GNPAT: variants seen among roughly 807,000 people sequenced by gnomAD.
The protein encoded by GNPAT is dihydroxyacetone phosphate acyltransferase.
GNPAT carries 30 observed loss-of-function variants against 78.4 expected under a neutral mutation model. The ratio of observed to expected loss-of-function variants is 0.38; its 90% CI spans 0.29 to 0.52. The LOEUF (loss-of-function observed/expected upper bound fraction) is 0.52. Among genes scored for constraint, GNPAT ranks in the 20% least tolerant of loss-of-function variants. The pLI is 0.84. For synonymous variants in GNPAT, 271 were observed against 281.1 expected, an observed-to-expected ratio of 0.96 and a Z score of 0.36; for missense variants, 714 against 812.2, an observed-to-expected ratio of 0.88 and a Z score of 1.47.
chr1:231,245,354 C>G (rs1195205456), intron 1 of GNPAT, among the ~76,000 whole-genome samples: 1 of 152,122 alleles, frequency 6.6e-6, no homozygotes, highest in Non-Finnish European at 1.5e-5. Flanking sequence ...AAGTGATCCT[C>G]CCTCCTCAGC....
At chr1:231,251,302 T>G (rs1247016368) in intron 2 of GNPAT, among the ~76,000 whole-genome samples, 159 bp downstream of exon 2, 1 of 152,222 alleles carries the variant, frequency 6.6e-6, no homozygotes, top group East Asian at 1.9e-4. Context: ...AGCCTCTTGC[T>G]AGACACTAGA....
intron 5 of GNPAT, 116 bp from the exon 6 acceptor site, chr1:231,265,596 A>G: frequency 1.1e-6 from 1 of 880,556 alleles, no homozygotes; most frequent in East Asian, 2.5e-5. Flanking sequence ...TTTTCACTGT[A>G]AGCTGTGTTT....
intron 4 of GNPAT, among the ~76,000 whole-genome samples, chr1:231,263,857 C>CT (rs1404676977): frequency 6.6e-6 from 1 of 152,054 alleles, no homozygotes; most frequent in East Asian, 1.9e-4. Flanking sequence ...TGCTGAGCAT[C>CT]TTTTTTGTGT....
chr1:231,264,287 G>T (rs1045533453), intron 4 of GNPAT, among the ~76,000 whole-genome samples: 1 of 152,044 alleles, frequency 6.6e-6, no homozygotes, highest in East Asian at 1.9e-4. Context: ...GTAAGTTAAG[G>T]GTCCAACTTC....
At chr1:231,267,561 T>TGA in intron 8 of GNPAT, 119 bp from the exon 9 acceptor site, 1 of 758,456 alleles carries the variant, frequency 1.3e-6, no homozygotes, top group Admixed American at 1.8e-5. Context: ...GCACCTGACC[T>TGA]GAGAGAATTC....
rs182050398 is a variant in GNPAT at position 231,255,273 on chromosome 1, A to C, written c.261+4130A>C. On this transcript the variant is annotated intron_variant, in intron 2 of 15. Transcript: ENST00000366647. ...CTGACTATCCCTTCTTATTTCTTCAACTACTTCTTTATTAGCTCTTCTCCC... is the reference window on the plus strand; with the variant it reads ...CTGACTATCCCTTCTTATTTCTTCACCTACTTCTTTATTAGCTCTTCTCCC... Among the ~76,000 whole-genome samples the C allele has an allele frequency of 3.9e-4, 60 of 152,000 alleles. 1 individual carries two copies. The highest frequency in any genetic ancestry group is 1.3e-3 in the African/African-American group (55 of 41,440).
intron 2 of GNPAT, among the ~76,000 whole-genome samples, chr1:231,253,244 C>T (rs1212272412): frequency 1.3e-5 from 2 of 152,206 alleles, no homozygotes; most frequent in Non-Finnish European, 2.9e-5. Flanking sequence ...GCTGGGATTA[C>T]AGGCGTGAGC....
chr1:231,258,888 C>T (rs1394086823), intron 2 of GNPAT, among the ~76,000 whole-genome samples: 6 of 151,736 alleles, frequency 4.0e-5, no homozygotes, highest in Non-Finnish European at 5.9e-5. Flanking sequence ...CCACCTGCCT[C>T]GGCCTCCCAA....
intron 2 of GNPAT, among the ~76,000 whole-genome samples, chr1:231,252,107 A>G (rs529658331): frequency 2.0e-5 from 3 of 152,354 alleles, no homozygotes; most frequent in African/African-American, 7.2e-5. Context: ...CAATCGGCTA[A>G]TGTTTTAGAA....
In GNPAT at chr1:231,266,330, G is replaced by A. The variant is rs1685386491; in HGVS notation, c.978G>A (p.Val326=). ...CTGAAAATTTTGGAAGCATCCATGT[G>A]TACTTTGGAGATCCTGTGTCACTTC... The part of the protein sequence containing the change: ...ILSENFGSIH[V]YFGDPVSLRS... Residue 326 remains valine (V), a synonymous_variant, in exon 8 of 16, where the codon GTG becomes GTA. Coordinates refer to ENST00000366647, the MANE Select transcript of GNPAT (RefSeq NM_014236.4). The A allele has an allele frequency of 6.2e-7, 1 of 1,613,772 alleles. No homozygotes were observed. The highest frequency in any genetic ancestry group is 1.1e-5 in the South Asian group (1 of 91,078).
At chr1:231,271,192 G>T (rs1685555005) in intron 10 of GNPAT, among the ~76,000 whole-genome samples, 192 bp downstream of exon 10, 1 of 152,176 alleles carries the variant, frequency 6.6e-6, no homozygotes. Flanking sequence ...GGGAGGACCT[G>T]GAAATAATCT....
intron 3 of GNPAT, 23 bp downstream of exon 3, chr1:231,260,706 A>C: frequency 7.0e-7 from 1 of 1,431,662 alleles, no homozygotes. Context: ...TATTAAAAAA[A>C]TAAAGAAATA....
At chr1:231,263,001 T>C (rs995601173) in intron 4 of GNPAT, 149 bp downstream of exon 4, 1 of 689,752 alleles carries the variant, frequency 1.4e-6, no homozygotes, top group Admixed American at 2.2e-5. Flanking sequence ...AGTTATGTCC[T>C]TTGTCCTGTG....
chr1:231,260,431 T>C, intron 2 of GNPAT, 76 bp from the exon 3 acceptor site: 1 of 972,166 alleles, frequency 1.0e-6, no homozygotes, highest in South Asian at 1.3e-5. Flanking sequence ...GAACTAGTCA[T>C]ACTGGTTTGA....
intron 3 of GNPAT, among the ~76,000 whole-genome samples, chr1:231,262,400 G>T (rs571085812): frequency 6.6e-6 from 1 of 152,242 alleles, no homozygotes; most frequent in East Asian, 1.9e-4. Context: ...TAATTATGTG[G>T]TATTAAACAA....
rs1194543869 is a variant in GNPAT at position 231,272,374 on chromosome 1, C to T, written c.1585C>T (p.Pro529Ser). Residue 529 changes from proline to serine, a missense_variant, in exon 11 of 16, where the codon CCA becomes TCA. Transcript: ENST00000366647. ...TTTTGCAGATGAGTTCATCTTCCTT[C>T]CAGGAAACACACTAAAGGTAAAGTG... ...DVFADEFIFL[P>S]GNTLKDFEEG... 6.4e-7 allele frequency: 1 copy of T among 1,569,412 alleles called. No individual in the cohort carries two copies. Among genetic ancestry groups the T allele is most frequent in the African/African-American group, 1.3e-5 (1 of 74,186 alleles).
At chr1:231,261,591 TA>T (rs1685226874) in intron 3 of GNPAT, among the ~76,000 whole-genome samples, 1 of 152,192 alleles carries the variant, frequency 6.6e-6, no homozygotes. Flanking sequence ...TTTTTCCCTT[TA>T]TAATTAATGA....
chr1:231,265,840 T>G, intron 6 of GNPAT, 53 bp downstream of exon 6: 1 of 1,167,368 alleles, frequency 8.6e-7, no homozygotes, highest in Non-Finnish European at 1.3e-6. Context: ...CATCAGCTGC[T>G]ACATAAAACT....
chr1:231,255,411 C>A (rs1329840934), intron 2 of GNPAT, among the ~76,000 whole-genome samples: 1 of 152,012 alleles, frequency 6.6e-6, no homozygotes, highest in African/African-American at 2.4e-5. Flanking sequence ...CTCTCTCCTC[C>A]TCTTTTAAGA....
Sources: gnomAD v4.1 joint callset for allele counts (sites outside exome capture counted in the v4.1 genomes callset) on GRCh38, gnomAD v4.1.1 for gene constraint, MANE v1.5 for transcripts, NCBI Gene and HGNC (gene_info 2026-07-23, HGNC 2026-07-21) for gene names.